Variants in ZNF385D observed in about 807,000 individuals in gnomAD.
ZNF385D encodes zinc finger protein 385D.
A neutral mutation model predicts 35.8 loss-of-function variants in ZNF385D; 15 were observed. That is an observed-to-expected ratio of 0.42 (90% CI 0.28 to 0.64). ZNF385D has a LOEUF of 0.64. Ranked by LOEUF, ZNF385D falls within the 30% of genes least tolerant of loss-of-function variation. The pLI, the probability that ZNF385D is intolerant of heterozygous loss-of-function variation, is 0.23. For synonymous variants in ZNF385D, 212 were observed against 186.8 expected, an observed-to-expected ratio of 1.13 and a Z score of -1.10; for missense variants, 474 against 494.6, an observed-to-expected ratio of 0.96 and a Z score of 0.39.
At position 22,224,432 on chromosome 3, in the gene ZNF385D, C is replaced by T. The variant is rs148020125; in HGVS notation, c.107-55397G>A. 1.5e-3 allele frequency among the ~76,000 whole-genome samples: 231 copies of T among 152,262 alleles called. 1 individual carries two copies. Among genetic ancestry groups the T allele is most frequent in the African/African-American group, 5.2e-3 (216 of 41,548 alleles). ...ATTCTTATTTTACCTCAGATTCTAT[C>T]TCTCTGTATTATAGTTATACCTTCA... On this transcript the variant is annotated intron_variant, in intron 2 of 5. Transcript: ENST00000494108.
intron 3 of ZNF385D, among the ~76,000 whole-genome samples, chr3:22,085,395 T>C (rs1700977016): frequency 6.6e-6 from 1 of 152,018 alleles, no homozygotes; most frequent in Non-Finnish European, 1.5e-5. Context: ...AAAGGCGATA[T>C]CACCACCGAT....
intron 2 of ZNF385D, among the ~76,000 whole-genome samples, chr3:21,586,545 T>TAAAG (rs898350832): frequency 1.3e-5 from 2 of 152,118 alleles, no homozygotes; most frequent in African/African-American, 4.8e-5. Context: ...GTTAATATAG[T>TAAAG]AAAGAACTGA....
At chr3:22,147,613 G>A (rs988491341) in intron 3 of ZNF385D, among the ~76,000 whole-genome samples, 6 of 152,046 alleles carry the variant, frequency 3.9e-5, no homozygotes, top group African/African-American at 1.4e-4. Context: ...TCTCACTCTA[G>A]GCACCTTATA....
At chr3:22,082,821 A>G (rs1202665594) in intron 3 of ZNF385D, among the ~76,000 whole-genome samples, 5 of 152,136 alleles carry the variant, frequency 3.3e-5, no homozygotes, top group Non-Finnish European at 7.4e-5. Context: ...GACACCTCAT[A>G]CAGCAAGATG....
chr3:21,960,092 C>T (rs1422240525), intron 3 of ZNF385D, among the ~76,000 whole-genome samples: 1 of 145,334 alleles, frequency 6.9e-6, no homozygotes, highest in Non-Finnish European at 1.5e-5. Flanking sequence ...AGAATACAAT[C>T]AAAAAGTGAT....
At chr3:21,591,368 C>T (rs1377209976) in intron 2 of ZNF385D, among the ~76,000 whole-genome samples, 1 of 151,940 alleles carries the variant, frequency 6.6e-6, no homozygotes, top group Non-Finnish European at 1.5e-5. Context: ...CCCTCTATCA[C>T]TTAAATACCT....
At chr3:21,543,562 C>T (rs946714076) in intron 3 of ZNF385D, among the ~76,000 whole-genome samples, 2 of 152,160 alleles carry the variant, frequency 1.3e-5, no homozygotes, top group Admixed American at 6.5e-5. Context: ...CAGCCTTCCC[C>T]TTCCCCACCC....
chr3:21,886,571 C>A (rs550026889), intron 3 of ZNF385D, among the ~76,000 whole-genome samples: 1 of 152,056 alleles, frequency 6.6e-6, no homozygotes, highest in Non-Finnish European at 1.5e-5. Flanking sequence ...CTCAGAAAAA[C>A]CACAATTTTT....
chr3:22,196,613 TAG>T (rs889607365), intron 2 of ZNF385D, among the ~76,000 whole-genome samples: 1 of 152,024 alleles, frequency 6.6e-6, no homozygotes, highest in African/African-American at 2.4e-5. Flanking sequence ...CTCTACTTAT[TAG>T]AGTCCATTGC....
rs202160349 is a variant in ZNF385D at position 21,510,995 on chromosome 3, G to A, written c.305C>T (p.Thr102Met). ...TGCTTTGAGCTTCTTGGCATGTTTCGTGCCTTTGTAGTGGGCCGCAGCCTG... is the reference window on the plus strand; with the variant it reads ...TGCTTTGAGCTTCTTGGCATGTTTCATGCCTTTGTAGTGGGCCGCAGCCTG... Reference protein sequence around the residue: ...DSQAAAHYKGTKHAKKLKALE... With the variant: ...DSQAAAHYKGMKHAKKLKALE... The change falls in exon 4 of 8, where the codon ACG (threonine) becomes ATG (methionine). Residue 102 changes from threonine (T) to methionine (M), a missense_variant. Transcript: ENST00000281523. The A allele has an allele frequency of 8.9e-5, 144 of 1,613,922 alleles. No homozygotes were observed. Among genetic ancestry groups the A allele is most frequent in the South Asian group, 2.2e-4 (20 of 91,074 alleles).
At chr3:22,237,722 G>C (rs937411177) in intron 2 of ZNF385D, among the ~76,000 whole-genome samples, 28 of 152,000 alleles carry the variant, frequency 1.8e-4, no homozygotes, top group Non-Finnish European at 3.7e-4. Context: ...CAGCTCACTA[G>C]AACCTCCGCC....
intron 3 of ZNF385D, among the ~76,000 whole-genome samples, chr3:22,130,017 C>CTT (rs1703680274): frequency 6.6e-6 from 1 of 152,122 alleles, no homozygotes; most frequent in Non-Finnish European, 1.5e-5. Flanking sequence ...CTCAAGGATT[C>CTT]TTAAGCCAGC....
At chr3:21,790,597 C>A (rs746704394) in intron 3 of ZNF385D, among the ~76,000 whole-genome samples, 2 of 152,088 alleles carry the variant, frequency 1.3e-5, no homozygotes, top group Admixed American at 6.5e-5. Flanking sequence ...AGTCAGAATG[C>A]AGCTTTTTTG....
At chr3:21,658,725 C>CG (rs1258575069) in intron 2 of ZNF385D, among the ~76,000 whole-genome samples, 1 of 151,904 alleles carries the variant, frequency 6.6e-6, no homozygotes, top group Non-Finnish European at 1.5e-5. Flanking sequence ...CAAAGCAAAC[C>CG]TTAACCTTTA....
At chr3:22,269,665 C>T (rs140247830) in intron 2 of ZNF385D, among the ~76,000 whole-genome samples, 115 of 152,032 alleles carry the variant, frequency 7.6e-4, no homozygotes, top group African/African-American at 2.7e-3. Context: ...AAGGACTTTT[C>T]CAGCTTCTTC....
chr3:21,859,989 C>T (rs1454303020), intron 3 of ZNF385D, among the ~76,000 whole-genome samples: 7 of 151,512 alleles, frequency 4.6e-5, no homozygotes, highest in African/African-American at 1.7e-4. Context: ...TGAAAAGTAT[C>T]AGAAATTAAA....
chr3:21,915,181 C>T (rs993824990), intron 3 of ZNF385D, among the ~76,000 whole-genome samples: 5 of 151,908 alleles, frequency 3.3e-5, no homozygotes, highest in South Asian at 4.1e-4. Context: ...CTTGACGGTA[C>T]TGAGGTTATC....
At chr3:21,554,791 CTTCT>C (rs895221375) in intron 3 of ZNF385D, among the ~76,000 whole-genome samples, 4 of 152,108 alleles carry the variant, frequency 2.6e-5, no homozygotes, top group African/African-American at 9.7e-5. Context: ...ATGGAGAGGA[CTTCT>C]TTCTTTAAAC....
At chr3:21,567,264 C>T (rs1056458300) in intron 2 of ZNF385D, among the ~76,000 whole-genome samples, 5 of 152,138 alleles carry the variant, frequency 3.3e-5, no homozygotes, top group African/African-American at 9.7e-5. Context: ...AGTATCTCTT[C>T]CTTAGGTTGG....
Sources: allele counts gnomAD v4.1 joint callset (sites outside exome capture counted in the v4.1 genomes callset), GRCh38; gene constraint gnomAD v4.1.1; transcripts MANE v1.5; gene names NCBI Gene and HGNC (gene_info 2026-07-23, HGNC 2026-07-21).